Variants in FKTN observed in about 807,000 individuals in gnomAD.
FKTN encodes the protein fukutin, also known as ribitol-5-phosphate transferase FKTN.
Under a neutral mutation model 58.6 loss-of-function variants are expected in FKTN, and 47 were observed. That is an observed-to-expected ratio of 0.80 (90% CI 0.63 to 1.02). FKTN has a LOEUF of 1.02. FKTN is among the 50% of genes least tolerant of loss of function. FKTN has a pLI of 0.00. For missense variants in FKTN, 516 were observed against 537.3 expected, an observed-to-expected ratio of 0.96 and a Z score of 0.39; for synonymous variants, 178 against 191.9, an observed-to-expected ratio of 0.93 and a Z score of 0.60.
chr9:105,631,814 T>A (rs1177835187), intron 10 of FKTN, among the ~76,000 whole-genome samples: 1 of 148,850 alleles, frequency 6.7e-6, no homozygotes, highest in South Asian at 2.2e-4. Context: ...TTTTACACTG[T>A]TGGTGGGACT....
chr9:105,631,931 G>T (rs1366994657), intron 10 of FKTN, among the ~76,000 whole-genome samples: 33 of 142,416 alleles, frequency 2.3e-4, no homozygotes, highest in South Asian at 1.1e-3. Context: ...TATACCCAAA[G>T]GACTATAAAT....
chr9:105,565,346 A>G (rs879227540), intron 1 of FKTN, among the ~76,000 whole-genome samples: 1 of 152,208 alleles, frequency 6.6e-6, no homozygotes, highest in Non-Finnish European at 1.5e-5. Context: ...TAAAAGACAC[A>G]GACTGGCAAA....
intron 7 of FKTN, among the ~76,000 whole-genome samples, chr9:105,608,367 T>G (rs983458516): frequency 1.3e-5 from 2 of 152,182 alleles, no homozygotes; most frequent in Non-Finnish European, 2.9e-5. Context: ...AATATAATTT[T>G]TTTTGCATTT....
intron 10 of FKTN, among the ~76,000 whole-genome samples, chr9:105,624,779 G>T (rs1178564577): frequency 6.6e-6 from 1 of 151,930 alleles, no homozygotes; most frequent in African/African-American, 2.4e-5. Context: ...TGAATGTCTT[G>T]TTATAGGTGT....
chr9:105,580,391 G>C (rs1267009780), intron 3 of FKTN, among the ~76,000 whole-genome samples: 5 of 149,982 alleles, frequency 3.3e-5, no homozygotes, highest in African/African-American at 1.2e-4. Context: ...GCATTTGCTT[G>C]TCTGTAAAGT....
chr9:105,571,586 T>C (rs1840743483), intron 1 of FKTN, among the ~76,000 whole-genome samples: 1 of 152,200 alleles, frequency 6.6e-6, no homozygotes, highest in Admixed American at 6.5e-5. Context: ...CTGTAGTAGC[T>C]TATATAGGCA....
chr9:105,628,386 T>C, intron 10 of FKTN, among the ~76,000 whole-genome samples: 1 of 152,220 alleles, frequency 6.6e-6, no homozygotes, highest in Non-Finnish European at 1.5e-5. Context: ...AATTGTATAC[T>C]TATACAATAT....
intron 3 of FKTN, among the ~76,000 whole-genome samples, chr9:105,594,807 G>C (rs910346290): frequency 2.8e-4 from 42 of 152,188 alleles, no homozygotes; most frequent in African/African-American, 1.0e-3. Context: ...ACAGTTGCAG[G>C]TGCAGAATAA....
Position 105,635,101 on chromosome 9 carries a change from A to C in FKTN, c.1223A>C (p.Lys408Thr). The C allele has an allele frequency of 6.2e-7, 1 of 1,614,098 alleles. No individual in the cohort carries two copies. Among genetic ancestry groups the C allele is most frequent in the Non-Finnish European group, 8.5e-7 (1 of 1,179,966 alleles). The change falls in exon 11 of 11, where the codon AAG becomes ACG. Residue 408 changes from lysine (K) to threonine (T), a missense_variant. Physicochemically the swap from Lys to Thr is moderately conservative, Grantham distance 78 (BLOSUM62 -1). Coordinates refer to ENST00000357998, the MANE Select transcript of FKTN (RefSeq NM_001079802.2). ...TLCWTEFVDM[K>T]VHVPCETLEY... ...TGCTGGACTGAGTTTGTAGACATGAAGGTCCATGTACCCTGTGAAACCCTC... is the reference window on the plus strand; with the variant it reads ...TGCTGGACTGAGTTTGTAGACATGACGGTCCATGTACCCTGTGAAACCCTC...
At chr9:105,634,432 C>T (rs1300695766) in intron 10 of FKTN, among the ~76,000 whole-genome samples, 1 of 152,142 alleles carries the variant, frequency 6.6e-6, no homozygotes, top group Non-Finnish European at 1.5e-5. Context: ...CCACGACCGG[C>T]CTGGTTTAAT....
intron 3 of FKTN, among the ~76,000 whole-genome samples, chr9:105,587,627 C>G (rs1185094001): frequency 6.6e-6 from 1 of 152,072 alleles, no homozygotes; most frequent in African/African-American, 2.4e-5. Context: ...TACTACTGCC[C>G]CACTTCTTCT....
intron 9 of FKTN, 43 bp downstream of exon 9, chr9:105,618,135 C>T (rs748169818): frequency 1.9e-6 from 3 of 1,549,540 alleles, no homozygotes; most frequent in Admixed American, 1.7e-5. Context: ...TAACATATCT[C>T]ACTTGTAAAG....
rs1372383835 is a variant in FKTN at position 105,638,824 on chromosome 9, G to A, written c.*3560G>A. ...ATAGATTGTACTCATTCCTTTTTGA[G>A]TTTGTGACCTCAAACCATTGTTTTT... On this transcript the variant is annotated 3_prime_UTR_variant, in exon 11 of 11. Coordinates refer to ENST00000357998, the MANE Select transcript of FKTN (RefSeq NM_001079802.2). 7 of 984,578 alleles carry A rather than the reference G, an allele frequency of 7.1e-6. No individual in the cohort carries two copies. Among genetic ancestry groups the A allele is most frequent in the African/African-American group, 7.0e-5 (4 of 57,300 alleles). The allele number at this position is 984,578 out of a possible 1,614,324, so 61.0% of individuals were successfully genotyped here. A position where few individuals can be genotyped will look rare whatever the true frequency, so the allele number is the denominator to read the frequency against.
chr9:105,569,732 T>C lies in FKTN; in HGVS notation c.-180-3923T>C, dbSNP rs191069443. ...CCATAATTATATATTAATCTTCTCA[T>C]ATTTGCATTAGAACTTTAAGATTAT... On this transcript the variant is annotated intron_variant, in intron 1 of 10. Transcript: ENST00000357998. Among the ~76,000 whole-genome samples the C allele has an allele frequency of 6.6e-5, 10 of 152,316 alleles. No individual in the cohort carries two copies. In the South Asian group the frequency reaches 8.3e-4, roughly 13 times the overall value.
chr9:105,580,157 T>C (rs1842601937), intron 3 of FKTN, among the ~76,000 whole-genome samples: 1 of 152,120 alleles, frequency 6.6e-6, no homozygotes, highest in South Asian at 2.1e-4. Flanking sequence ...GAGAATTTAG[T>C]CCATTTACAT....
At chr9:105,634,404 G>T (rs1004915808) in intron 10 of FKTN, among the ~76,000 whole-genome samples, 1 of 152,132 alleles carries the variant, frequency 6.6e-6, no homozygotes, top group Non-Finnish European at 1.5e-5. Flanking sequence ...AAAGAGCTGG[G>T]ATTACAGGCG....
At chr9:105,614,366 A>G (rs184072694) in intron 7 of FKTN, among the ~76,000 whole-genome samples, 1 of 152,222 alleles carries the variant, frequency 6.6e-6, no homozygotes, top group East Asian at 1.9e-4. Context: ...TACAAGAGAG[A>G]TTTGTTTATT....
chr9:105,602,890 CT>C (rs1439283493), intron 5 of FKTN, among the ~76,000 whole-genome samples: 2 of 152,168 alleles, frequency 1.3e-5, no homozygotes, highest in African/African-American at 2.4e-5. Flanking sequence ...ATAGTCCCCC[CT>C]AAAACATCCC....
chr9:105,607,870 G>T lies in FKTN; in HGVS notation c.699G>T (p.Lys233Asn). 6.2e-7 allele frequency: 1 copy of T among 1,612,254 alleles called. No homozygotes were observed. The highest frequency in any genetic ancestry group is 8.5e-7 in the Non-Finnish European group (1 of 1,178,618). Residue 233 changes from lysine (K) to asparagine (N), a missense_variant, in exon 7 of 11, where the codon AAG becomes AAT. Physicochemically the swap from Lys to Asn is moderately conservative, Grantham distance 94. Coordinates refer to ENST00000357998, the MANE Select transcript of FKTN (RefSeq NM_001079802.2). The stretch of plus-strand genomic sequence containing the variant: ...ATGGACTGGAAGTTCTCATTCCAAA[G>T]GATCCAATGCACTTTGTAGAAGAAG... ...TVDGLEVLIP[K>N]DPMHFVEEVP...
Sources: allele counts gnomAD v4.1 joint callset (sites outside exome capture counted in the v4.1 genomes callset), GRCh38; gene constraint gnomAD v4.1.1; transcripts MANE v1.5; gene names NCBI Gene and HGNC (gene_info 2026-07-23, HGNC 2026-07-21).